UBA1: variants seen among roughly 807,000 people sequenced by gnomAD.
UBA1 encodes the protein ubiquitin-like modifier-activating enzyme 1.
In UBA1, 4 loss-of-function variants were observed where a neutral mutation model predicts 84.7. The ratio of observed to expected loss-of-function variants is 0.05; its 90% confidence interval spans 0.02 to 0.11. UBA1 has a LOEUF of 0.11. Ranked by LOEUF, UBA1 falls within the 10% of genes least tolerant of loss-of-function variation. The probability of loss-of-function intolerance (pLI) is 1.00; values close to 1 mark genes in which losing one functional copy is unlikely to be tolerated. For missense variants in UBA1, 513 were observed against 902.8 expected, an observed-to-expected ratio of 0.57 and a Z score of 5.53; for synonymous variants, 364 against 362.6, an observed-to-expected ratio of 1.00 and a Z score of -0.04.
Position 47,202,423 on chromosome X carries a change from C to T in UBA1, c.975C>T (p.Arg325=). ...TGACGGACTTCGCCAAGTTTTCTCG[C>T]CCTGCCCAGCTGCACATTGGCTTCC... is the stretch of plus-strand genomic sequence containing the variant. The part of the protein sequence containing the change: ...FVVTDFAKFS[R]PAQLHIGFQA... Residue 325 remains arginine (R), a synonymous_variant, in exon 10 of 26, where the codon CGC becomes CGT. Coordinates refer to ENST00000335972, the MANE Select transcript of UBA1 (RefSeq NM_003334.4). The T allele has an allele frequency of 1.7e-6, 2 of 1,209,941 alleles. No individual in the cohort carries two copies. The highest frequency in any genetic ancestry group is 2.2e-6 in the Non-Finnish European group (2 of 894,481).
At chrX:47,201,174 T>A in intron 6 of UBA1, 102 bp from the exon 7 acceptor site, 1 of 842,598 alleles carries the variant, frequency 1.2e-6, no homozygotes, top group Admixed American at 2.6e-5. Flanking sequence ...CCAGCAGTGA[T>A]AGGCTGAGTT....
upstream of UBA1, among the ~76,000 whole-genome samples, chrX:47,192,513 T>G (rs956483876): frequency 1.4e-4 from 16 of 111,041 alleles, no homozygotes; most frequent in Non-Finnish European, 1.9e-4. Context: ...TACTTTTATA[T>G]TAATATATAA....
intron 21 of UBA1, 107 bp from the exon 22 acceptor site, chrX:47,212,664 T>A: frequency 1.1e-6 from 1 of 878,059 alleles, no homozygotes. Context: ...TTCCCAGCCA[T>A]CCCTTTGTGA....
Position 47,214,937 on chromosome X carries a change from T to A in UBA1, c.*8T>A, listed in dbSNP as rs782573917. 6 of 1,207,856 alleles carry A rather than the reference T, an allele frequency of 5.0e-6. No individual in the cohort carries two copies. The Admixed American group carries it at 6.5e-5, about 13-fold the overall frequency. On this transcript the variant is annotated 3_prime_UTR_variant, in exon 26 of 26. Transcript: ENST00000335972. ...CGATACACCATCCGCTGACCCCGTC[T>A]GCTCCTCTAGGCTGGCCCCTTGTCC... is the stretch of plus-strand genomic sequence containing the variant.
chrX:47,212,091 TC>T (rs1285203109), intron 20 of UBA1, among the ~76,000 whole-genome samples: 1 of 105,219 alleles, frequency 9.5e-6, no homozygotes. Context: ...TCCTCTGTGT[TC>T]CCCCCATCTT....
At chrX:47,213,270 G>C in intron 23 of UBA1, 89 bp downstream of exon 23, 1 of 1,017,000 alleles carries the variant, frequency 9.8e-7, no homozygotes, top group Non-Finnish European at 1.3e-6. Context: ...CACCAGGTGA[G>C]GGTTTCTGTC....
At chrX:47,208,340 TGTGC>T (rs200603288) in intron 16 of UBA1, among the ~76,000 whole-genome samples, 5 of 110,552 alleles carry the variant, frequency 4.5e-5, no homozygotes, top group African/African-American at 1.7e-4. Flanking sequence ...TGTGTGTGTG[TGTGC>T]GCACGCACGC....
At chrX:47,197,923 C>G in intron 1 of UBA1, 1 of 792,869 alleles carries the variant, frequency 1.3e-6, no homozygotes, top group Non-Finnish European at 1.5e-6. Context: ...CAGAGTGAGA[C>G]GAGGTTTAGA....
intron 8 of UBA1, 90 bp from the exon 9 acceptor site, chrX:47,202,066 T>A: frequency 1.3e-6 from 1 of 743,494 alleles, no homozygotes; most frequent in Non-Finnish European, 2.1e-6. Flanking sequence ...ATGTCTGAGC[T>A]GAGTCGGGGC....
chrX:47,202,934 C>T lies in UBA1; in HGVS notation c.1234-9C>T, dbSNP rs374680331. On this transcript the variant is annotated splice_polypyrimidine_tract_variant and intron_variant, in intron 11 of 25. Coordinates refer to ENST00000335972, the MANE Select transcript of UBA1 (RefSeq NM_003334.4). ...ACTGACCACCCCCTCTCTCCCTTCC[C>T]CTCTCCAGGCCTGCTCCGGGAAGTT... The T allele has an allele frequency of 1.4e-5, 17 of 1,207,685 alleles. No individual in the cohort carries two copies. Among genetic ancestry groups the T allele is most frequent in the Non-Finnish European group, 1.9e-5 (17 of 893,299 alleles).
chrX:47,196,290 T>C (rs1236089354), intron 1 of UBA1, among the ~76,000 whole-genome samples: 9 of 110,883 alleles, frequency 8.1e-5, no homozygotes, highest in Non-Finnish European at 1.7e-4. Context: ...CACGTTCCCA[T>C]GGACTTCTCA....
intron 20 of UBA1, among the ~76,000 whole-genome samples, 160 bp from the exon 21 acceptor site, chrX:47,212,264 G>A (rs1444483617): frequency 9.0e-6 from 1 of 110,694 alleles, no homozygotes; most frequent in East Asian, 2.8e-4. Context: ...ATTCTGCTCT[G>A]CTCTACCTCT....
intron 1 of UBA1, chrX:47,198,153 G>A: frequency 1.0e-6 from 1 of 954,412 alleles, no homozygotes; most frequent in Non-Finnish European, 1.3e-6. Context: ...CCCCTCTGGG[G>A]ACTGGGTTCT....
At chrX:47,191,769 T>C (rs140457241), upstream of UBA1, 58 of 112,283 alleles carry the variant, frequency 5.2e-4, no homozygotes, top group African/African-American at 1.8e-3. Flanking sequence ...GTGGCTTTTC[T>C]AGGGGTTCCG....
chrX:47,208,287 GTGTGTAAGTGTC>G (rs1319544538), intron 16 of UBA1, among the ~76,000 whole-genome samples: 3 of 108,949 alleles, frequency 2.8e-5, no homozygotes, highest in African/African-American at 6.8e-5. Flanking sequence ...GTGTGTGTGT[GTGTGTAAGTGTC>G]TGTGTGTACG....
chrX:47,206,743 T>A (rs782084823), intron 16 of UBA1: 87 of 359,677 alleles, frequency 2.4e-4, no homozygotes, highest in Non-Finnish European at 4.1e-4. Context: ...TTTGCCACAT[T>A]TTCTTCTTAG....
chrX:47,212,521 TG>T lies in UBA1; in HGVS notation c.2553+13del. ...CCATTGACTTTGAGAAGGTATGGGG[TG>T]GGGCTCAGGACAGGGAAGGAGGATG... On this transcript the variant is annotated intron_variant, in intron 21 of 25. Transcript: ENST00000335972. 8.4e-7 allele frequency: 1 copy of T among 1,192,795 alleles called. No individual in the cohort carries two copies. Among genetic ancestry groups the T allele is most frequent in the African/African-American group, 1.7e-5 (1 of 57,246 alleles).
upstream of UBA1, among the ~76,000 whole-genome samples, chrX:47,192,690 A>G (rs182105754): frequency 0.03 from 3,338 of 110,806 alleles, 153 homozygotes; most frequent in African/African-American, 0.1. Flanking sequence ...TCCCGAGTTC[A>G]AGCGATTCTC....
In UBA1 at chrX:47,199,481, T is replaced by G. The variant is rs1936324312; in HGVS notation, c.347T>G (p.Phe116Cys). Residue 116 changes from phenylalanine to cysteine, a missense_variant and splice_region_variant, in exon 5 of 26, where the codon TTC becomes TGC. Phe to Cys is a radical substitution (Grantham distance 205). This residue lies in a region of UBA1 where 227 missense variants were observed against 339.1 expected (regional missense o/e 0.67). Transcript: ENST00000335972. Reference protein sequence around the residue: ...TAQWADLSSQFYLREEDIGKN... With the variant: ...TAQWADLSSQCYLREEDIGKN... ...TTTCCCTACTGCACACCCTTACAGT[T>G]CTACCTGCGGGAGGAGGACATCGGT... 3.3e-6 allele frequency: 4 copies of G among 1,211,790 alleles called. No homozygotes were observed. Among genetic ancestry groups the G allele is most frequent in the Non-Finnish European group, 4.5e-6 (4 of 895,519 alleles).
Sources: allele counts gnomAD v4.1 joint callset (sites outside exome capture counted in the v4.1 genomes callset), GRCh38; gene constraint gnomAD v4.1.1; regional missense constraint gnomAD v4.1.1; transcripts MANE v1.5; gene names NCBI Gene and HGNC (gene_info 2026-07-23, HGNC 2026-07-21).